Variants in TIAM2 observed in about 807,000 individuals in gnomAD.
The protein encoded by TIAM2 is TIAM Rac1 associated GEF 2.
In TIAM2, 80 loss-of-function variants were observed where a neutral mutation model predicts 152.9. The ratio of observed to expected loss-of-function variants is 0.52; its 90% CI spans 0.44 to 0.63. TIAM2 has a LOEUF of 0.63. Ranked by LOEUF, TIAM2 falls within the 30% of genes least tolerant of loss-of-function variation. The pLI is 0.00. For missense variants in TIAM2, 1,965 were observed against 2,120.1 expected, an observed-to-expected ratio of 0.93 and a Z score of 1.44; for synonymous variants, 804 against 838.0, an observed-to-expected ratio of 0.96 and a Z score of 0.70.
chr6:155,228,689 A>G lies in TIAM2; in HGVS notation c.3169-11841A>G, dbSNP rs188902715. ...GTAGAAATGCTGCCCTGGCCCTTGA[A>G]ACTTCCTTGGCAGAGAGAACATCTT... On this transcript the variant is annotated intron_variant, in intron 15 of 26. Transcript: ENST00000682666. Among the ~76,000 whole-genome samples the G allele has an allele frequency of 3.6e-3, 546 of 152,174 alleles. 4 individuals are homozygous for G. Among genetic ancestry groups the G allele is most frequent in the African/African-American group, 0.012 (517 of 41,500 alleles).
intron 1 of TIAM2, among the ~76,000 whole-genome samples, chr6:155,047,678 G>A (rs1777210510): frequency 1.9e-5 from 1 of 52,370 alleles, no homozygotes. Context: ...GAGAGAGAGA[G>A]AGAGAGAGAG....
chr6:155,112,838 G>A (rs999856818), intron 2 of TIAM2, among the ~76,000 whole-genome samples: 8 of 151,798 alleles, frequency 5.3e-5, no homozygotes, highest in African/African-American at 9.7e-5. Flanking sequence ...CTCTCCCTTC[G>A]GCCCTCCAGA....
chr6:155,157,394 C>T (rs1456402881), intron 7 of TIAM2, among the ~76,000 whole-genome samples: 1 of 151,926 alleles, frequency 6.6e-6, no homozygotes, highest in Non-Finnish European at 1.5e-5. Context: ...ATATAGCACC[C>T]GTTTGTTGGA....
chr6:155,137,608 G>A lies in TIAM2; in HGVS notation c.1626G>A (p.Leu542=). Residue 542 remains leucine, a synonymous_variant, in exon 5 of 27, where the codon CTG becomes CTA. Transcript: ENST00000682666. ...AATGGAAACAGTACTGGGTAACGCTGAAAGGTGAGTGCAGTGTCACCTGCT... is the reference window on the plus strand; with the variant it reads ...AATGGAAACAGTACTGGGTAACGCTAAAAGGTGAGTGCAGTGTCACCTGCT... ...RRKWKQYWVT[L]KGCTLLFYET... is the part of the protein sequence containing the mutation. 6.3e-7 allele frequency: 1 copy of A among 1,582,052 alleles called. No homozygotes were observed. Among genetic ancestry groups the A allele is most frequent in the Non-Finnish European group, 8.6e-7 (1 of 1,169,150 alleles).
In TIAM2 at chr6:155,009,552, C is replaced by T. The variant is rs373199221; in HGVS notation, c.-209+14060C>T. ...TCTATACTGAGTGGAGATGTGGATC[C>T]GTAGACGTCATTCAGCTTCTCAGGG... On this transcript the variant is annotated intron_variant, in intron 1 of 26. Coordinates refer to ENST00000682666, the MANE Select transcript of TIAM2 (RefSeq NM_012454.4). Among the ~76,000 whole-genome samples, 5 of 152,038 alleles carry T rather than the reference C, an allele frequency of 3.3e-5. No homozygotes were observed. The East Asian group carries it at 7.7e-4, about 23-fold the overall frequency.
intron 14 of TIAM2, among the ~76,000 whole-genome samples, chr6:155,204,892 A>C (rs1277853236): frequency 6.6e-6 from 1 of 152,148 alleles, no homozygotes; most frequent in South Asian, 2.1e-4. Flanking sequence ...TGGGAAGTCC[A>C]GTGTCAAGGT....
At chr6:155,171,478 T>C (rs1054817176) in intron 9 of TIAM2, among the ~76,000 whole-genome samples, 6 of 152,048 alleles carry the variant, frequency 3.9e-5, no homozygotes, top group Non-Finnish European at 8.8e-5. Flanking sequence ...TTCTGGAAAA[T>C]TGGCTTGGGG....
chr6:155,033,520 C>CAA, intron 1 of TIAM2, among the ~76,000 whole-genome samples: 1 of 151,948 alleles, frequency 6.6e-6, no homozygotes, highest in Middle Eastern at 3.4e-3. Flanking sequence ...AGATAAAACT[C>CAA]AAGAATAGAA....
intron 15 of TIAM2, among the ~76,000 whole-genome samples, chr6:155,238,454 G>A (rs1562366585): frequency 6.6e-6 from 1 of 152,144 alleles, no homozygotes; most frequent in Non-Finnish European, 1.5e-5. Context: ...GTTTTCAGCA[G>A]TGCCCCCGAC....
chr6:155,037,373 T>C (rs907503970), intron 1 of TIAM2, among the ~76,000 whole-genome samples: 2 of 151,846 alleles, frequency 1.3e-5, no homozygotes, highest in East Asian at 3.9e-4. Context: ...TGCAGTTTTC[T>C]GTTTTGAATG....
chr6:155,164,133 G>GTTTTTTTTTTTTTTTTTTTTTTTTTTTT (rs375238178), intron 7 of TIAM2, among the ~76,000 whole-genome samples: 2 of 118,006 alleles, frequency 1.7e-5, no homozygotes, highest in African/African-American at 2.9e-5. Flanking sequence ...TAATTTTTGT[G>GTTTTTTTTTTTTTTTTTTTTTTTTTTTT]TTTTTTTTTT....
intron 2 of TIAM2, among the ~76,000 whole-genome samples, chr6:155,107,335 T>C (rs534966689): frequency 5.9e-5 from 9 of 152,362 alleles, no homozygotes; most frequent in South Asian, 2.1e-4. Flanking sequence ...AAGGGAATTG[T>C]TGCCTTTAAA....
At chr6:155,163,574 C>A (rs539692167) in intron 7 of TIAM2, among the ~76,000 whole-genome samples, 23 of 152,330 alleles carry the variant, frequency 1.5e-4, no homozygotes, top group African/African-American at 5.5e-4. Flanking sequence ...GGCAGTTATT[C>A]TCCAAGATAC....
intron 14 of TIAM2, among the ~76,000 whole-genome samples, chr6:155,205,976 GT>G (rs1562353349): frequency 1.3e-5 from 2 of 152,176 alleles, no homozygotes; most frequent in African/African-American, 2.4e-5. Context: ...TGATATTTCT[GT>G]TTTTAAGTTG....
At chr6:155,173,345 A>C (rs1253448136) in intron 9 of TIAM2, among the ~76,000 whole-genome samples, 1 of 152,142 alleles carries the variant, frequency 6.6e-6, no homozygotes. Context: ...TTGGGTCAAC[A>C]GTGTAGACTC....
intron 2 of TIAM2, among the ~76,000 whole-genome samples, chr6:155,114,036 A>ATATATATTTTTTTTTT: frequency 4.0e-4 from 14 of 34,908 alleles, no homozygotes; most frequent in Non-Finnish European, 6.5e-4. Context: ...ATATATATAT[A>ATATATATTTTTTTTTT]TTTTTTTTTT....
chr6:155,125,141 G>A (rs1225506016), intron 2 of TIAM2, among the ~76,000 whole-genome samples: 1 of 151,940 alleles, frequency 6.6e-6, no homozygotes, highest in African/African-American at 2.4e-5. Flanking sequence ...TGTGGTGGCG[G>A]GCACTTGTAA....
At chr6:155,154,768 G>A (rs1018178172) in intron 7 of TIAM2, among the ~76,000 whole-genome samples, 2 of 152,138 alleles carry the variant, frequency 1.3e-5, no homozygotes, top group Non-Finnish European at 2.9e-5. Flanking sequence ...GACTACCAGG[G>A]GTTGCTGTGG....
At chr6:155,244,921 A>C in intron 18 of TIAM2, 138 bp downstream of exon 18, 1 of 1,117,212 alleles carries the variant, frequency 9.0e-7, no homozygotes, top group Non-Finnish European at 1.2e-6. Flanking sequence ...ATTTCCTTGC[A>C]CCGTTTTCCT....
Sources: allele counts gnomAD v4.1 joint callset (sites outside exome capture counted in the v4.1 genomes callset), GRCh38; gene constraint gnomAD v4.1.1; transcripts MANE v1.5; gene names NCBI Gene and HGNC (gene_info 2026-07-23, HGNC 2026-07-21).